The following LAYN variants were observed in gnomAD, a reference collection of about 807,000 sequenced individuals.
The protein encoded by LAYN is layilin.
A neutral mutation model predicts 43.6 loss-of-function variants in LAYN; 38 were observed. The ratio of observed to expected loss-of-function variants is 0.87; its 90% CI spans 0.67 to 1.14. LAYN has a LOEUF of 1.14. LAYN is among the 50% of genes most tolerant of loss of function. The pLI, the probability that LAYN is intolerant of heterozygous loss-of-function variation, is 0.00. For missense variants in LAYN, 479 were observed against 463.8 expected (o/e 1.03, Z -0.30); for synonymous variants, 168 against 172.9 (o/e 0.97, Z 0.22).
intron 1 of LAYN, 55 bp downstream of exon 1, chr11:111,540,983 AGCTGCT>A: frequency 1.4e-6 from 2 of 1,466,532 alleles, no homozygotes; most frequent in Non-Finnish European, 1.8e-6. Flanking sequence ...ACTGCACCCC[AGCTGCT>A]GCTGACCCTC....
Position 111,560,693 on chromosome 11 carries a change from A to G in LAYN, c.*235A>G, listed in dbSNP as rs907450504. On this transcript the variant is annotated 3_prime_UTR_variant, in exon 7 of 7. Coordinates refer to ENST00000375614, the MANE Select transcript of LAYN (RefSeq NM_178834.5). Reference sequence around the variant, plus strand: ...AAGGTACCTTGCCCAGGTCTGGCACATAGTAGAGTCTCAATAAATGTCACT... The same window carrying G: ...AAGGTACCTTGCCCAGGTCTGGCACGTAGTAGAGTCTCAATAAATGTCACT... 7.9e-6 allele frequency: 4 copies of G among 505,304 alleles called. No individual in the cohort carries two copies. The highest frequency in any genetic ancestry group is 1.1e-5 in the Non-Finnish European group (3 of 282,904). The allele number at this position is 505,304 out of a possible 1,614,324, so 31.3% of individuals were successfully genotyped here.
intron 3 of LAYN, among the ~76,000 whole-genome samples, chr11:111,553,633 A>AC (rs1008362874): frequency 6.6e-5 from 10 of 151,424 alleles, no homozygotes; most frequent in African/African-American, 1.5e-4. Flanking sequence ...AAAAAAAAAA[A>AC]AACAACACTT....
chr11:111,557,454 A>T (rs1867866669), intron 5 of LAYN, 87 bp from the exon 6 acceptor site: 12 of 1,056,180 alleles, frequency 1.1e-5, no homozygotes, highest in Non-Finnish European at 1.6e-5. Context: ...GTTTTTGACG[A>T]TTATGCTTTT....
chr11:111,549,848 A>T (rs1867712577), intron 3 of LAYN, 73 bp downstream of exon 3: 1 of 1,485,102 alleles, frequency 6.7e-7, no homozygotes, highest in Non-Finnish European at 9.1e-7. Flanking sequence ...TGCTAGTACC[A>T]AGAATTTGTC....
chr11:111,556,246 T>C (rs1867839085), intron 5 of LAYN, among the ~76,000 whole-genome samples: 1 of 151,796 alleles, frequency 6.6e-6, no homozygotes, highest in African/African-American at 2.4e-5. Flanking sequence ...CTGGGAGGAG[T>C]TTCCTTGTCA....
chr11:111,540,755 G>T lies in LAYN; in HGVS notation c.-89G>T. 7.8e-7 allele frequency: 1 copy of T among 1,290,282 alleles called. No homozygotes were observed. The highest frequency in any genetic ancestry group is 1.0e-6 in the Non-Finnish European group (1 of 963,038). The allele number at this position is 1,290,282 out of a possible 1,614,324, so 79.9% of individuals were successfully genotyped here. A position where few individuals can be genotyped will look rare whatever the true frequency, so the allele number is the denominator to read the frequency against. ...TCGGTGGCCTAGAGATGCTGCTGCC[G>T]CGGTTGCAGTTGTCGCGCACGCCTC... is the stretch of plus-strand genomic sequence containing the variant. On this transcript the variant is annotated 5_prime_UTR_variant, in exon 1 of 7. Coordinates refer to ENST00000375614, the MANE Select transcript of LAYN (RefSeq NM_178834.5).
intron 5 of LAYN, among the ~76,000 whole-genome samples, chr11:111,556,967 C>T (rs1017650163): frequency 6.6e-6 from 1 of 152,140 alleles, no homozygotes; most frequent in African/African-American, 2.4e-5. Context: ...TTAGAAATGT[C>T]AGAAAGGTTT....
In LAYN at chr11:111,549,685, G is replaced by T. The variant is rs753804461; in HGVS notation, c.451G>T (p.Ala151Ser). ...CGTGGTCATGTACCATCAGCCATCGGCACCCGCTGGCATCGGAGGCCCCTA... is the reference window on the plus strand; with the variant it reads ...CGTGGTCATGTACCATCAGCCATCGTCACCCGCTGGCATCGGAGGCCCCTA... Reference protein sequence around the residue: ...VCVVMYHQPSAPAGIGGPYMF... With the variant: ...VCVVMYHQPSSPAGIGGPYMF... The change falls in exon 3 of 7, where the codon GCA (alanine) becomes TCA (serine). Residue 151 changes from alanine to serine, a missense_variant. Transcript: ENST00000375614. 3 of 1,603,036 alleles carry T rather than the reference G, an allele frequency of 1.9e-6. No homozygotes were observed. Among genetic ancestry groups the T allele is most frequent in the Non-Finnish European group, 2.6e-6 (3 of 1,175,838 alleles).
chr11:111,540,663 AC>A (rs1867511803), upstream of LAYN: 1 of 559,352 alleles, frequency 1.8e-6, no homozygotes, highest in African/African-American at 2.0e-5. Flanking sequence ...CCTCGCAGTG[AC>A]GTCCCAGGGG....
At chr11:111,558,968 G>C (rs1867895117) in intron 6 of LAYN, among the ~76,000 whole-genome samples, 1 of 151,638 alleles carries the variant, frequency 6.6e-6, no homozygotes, top group African/African-American at 2.4e-5. Context: ...TGTATTTTTA[G>C]TAGAGATGGG....
chr11:111,542,983 C>T (rs1867576046), intron 1 of LAYN, among the ~76,000 whole-genome samples: 1 of 152,298 alleles, frequency 6.6e-6, no homozygotes, highest in East Asian at 1.9e-4. Context: ...ATTGGCTCCT[C>T]AGTAAAATCC....
Position 111,553,715 on chromosome 11 carries a change from T to TACACACACAC in LAYN, c.542-817_542-808dup, listed in dbSNP as rs60878342. ...TAAATAAATGGATTTACATCACCTA[T>TACACACACAC]ACACACACACACACACACACACACA... On this transcript the variant is annotated intron_variant, in intron 3 of 6. Coordinates refer to ENST00000375614, the MANE Select transcript of LAYN (RefSeq NM_178834.5). 7.6e-3 allele frequency among the ~76,000 whole-genome samples: 1,066 copies of TACACACACAC among 140,464 alleles called. 3 individuals are homozygous for TACACACACAC. The highest frequency in any genetic ancestry group is 0.011 in the South Asian group (45 of 4,098). 92.1% of individuals were successfully genotyped at this position (140,464 alleles called of 152,430 possible). A position where few individuals can be genotyped will look rare whatever the true frequency, so the allele number is the denominator to read the frequency against.
At chr11:111,551,323 A>G (rs2135798152) in intron 3 of LAYN, 1 of 456,226 alleles carries the variant, frequency 2.2e-6, no homozygotes, top group East Asian at 6.9e-5. Flanking sequence ...TTTGCCTCTC[A>G]TTGGCTAAGT....
chr11:111,557,418 T>C, intron 5 of LAYN, 123 bp from the exon 6 acceptor site: 1 of 757,018 alleles, frequency 1.3e-6, no homozygotes. Context: ...AATTTTTTAA[T>C]TTTAATAGAT....
rs184067326 is a variant in LAYN at position 111,558,985 on chromosome 11, C to T, written c.762-1110C>T. On this transcript the variant is annotated intron_variant, in intron 6 of 6. Coordinates refer to ENST00000375614, the MANE Select transcript of LAYN (RefSeq NM_178834.5). ...TATTTTTAGTAGAGATGGGTTTCACCATGTTGGCCAGGCTGGTCTCGAACT... is the reference window on the plus strand; with the variant it reads ...TATTTTTAGTAGAGATGGGTTTCACTATGTTGGCCAGGCTGGTCTCGAACT... Among the ~76,000 whole-genome samples the T allele has an allele frequency of 2.4e-3, 370 of 151,802 alleles. 4 individuals are homozygous for T. The highest frequency in any genetic ancestry group is 8.6e-3 in the African/African-American group (357 of 41,412).
chr11:111,540,598 C>A (rs1420350748), upstream of LAYN: 2 of 497,218 alleles, frequency 4.0e-6, no homozygotes, highest in South Asian at 2.8e-5. Flanking sequence ...GAGTGTCTGG[C>A]GCCAACCTCG....
chr11:111,545,850 A>G (rs1488353326), intron 2 of LAYN, among the ~76,000 whole-genome samples: 1 of 152,242 alleles, frequency 6.6e-6, no homozygotes, highest in Admixed American at 6.5e-5. Context: ...TATAAAGGGC[A>G]CGTGAGTTAT....
At chr11:111,546,607 C>A (rs1353533914) in intron 2 of LAYN, among the ~76,000 whole-genome samples, 1 of 152,238 alleles carries the variant, frequency 6.6e-6, no homozygotes, top group East Asian at 1.9e-4. Flanking sequence ...GGAAGAGGCT[C>A]TGGTCCAGCA....
At position 111,560,511 on chromosome 11, in the gene LAYN, T is replaced by G; in HGVS notation, c.*53T>G. On this transcript the variant is annotated 3_prime_UTR_variant, in exon 7 of 7. Coordinates refer to ENST00000375614, the MANE Select transcript of LAYN (RefSeq NM_178834.5). Reference sequence around the variant, plus strand: ...AATGGAAAAGAAATGATAAGCAAAATCCTCTTATTTTCTATAAGGAAAATA... The same window carrying G: ...AATGGAAAAGAAATGATAAGCAAAAGCCTCTTATTTTCTATAAGGAAAATA... 6.5e-7 allele frequency: 1 copy of G among 1,528,936 alleles called. No individual in the cohort carries two copies. The allele number at this position is 1,528,936 out of a possible 1,614,324, so 94.7% of individuals were successfully genotyped here. A position where few individuals can be genotyped will look rare whatever the true frequency, so the allele number is the denominator to read the frequency against.
Sources: allele counts gnomAD v4.1 joint callset (sites outside exome capture counted in the v4.1 genomes callset), GRCh38; gene constraint gnomAD v4.1.1; transcripts MANE v1.5; gene names NCBI Gene and HGNC (gene_info 2026-07-23, HGNC 2026-07-21).